Variants in SERPINA3 observed in about 807,000 individuals in gnomAD.
SERPINA3 encodes serpin family A member 3, also known as alpha-1-antichymotrypsin.
A neutral mutation model predicts 26.8 loss-of-function variants in SERPINA3; 32 were observed. That is an observed-to-expected ratio of 1.20 (90% confidence interval 0.90 to 1.61). The LOEUF is 1.61. Among genes scored for constraint, SERPINA3 ranks in the 40% most tolerant of loss-of-function variants. SERPINA3 has a pLI of 0.00. For synonymous variants in SERPINA3, 252 were observed against 206.4 expected (o/e 1.22, Z -1.89); for missense variants, 632 against 517.9 (o/e 1.22, Z -2.14).
At chr14:94,614,207 C>A in intron 1 of SERPINA3, 1 of 573,392 alleles carries the variant, frequency 1.7e-6, no homozygotes, top group Non-Finnish European at 3.1e-6. Context: ...CTGTGCCCGG[C>A]TTTTCCACTG....
At chr14:94,612,502 G>A (rs985466089) in intron 1 of SERPINA3, 55 bp downstream of exon 1, 25 of 1,131,576 alleles carry the variant, frequency 2.2e-5, no homozygotes, top group Non-Finnish European at 3.0e-5. Flanking sequence ...TTCCAGGAGA[G>A]TTTTAGGCAG....
At chr14:94,622,767 TG>T in intron 4 of SERPINA3, 1 of 489,802 alleles carries the variant, frequency 2.0e-6, no homozygotes, top group Non-Finnish European at 3.7e-6. Context: ...TTACTATCCA[TG>T]GGGGCAAACA....
At chr14:94,622,822 T>G in intron 4 of SERPINA3, 1 of 396,696 alleles carries the variant, frequency 2.5e-6, no homozygotes, top group Non-Finnish European at 4.8e-6. Context: ...CAAATGGTAG[T>G]GATAGTTCTT....
At position 94,622,373 on chromosome 14, in the gene SERPINA3, C is replaced by T; in HGVS notation, c.950C>T (p.Ser317Phe). ...EIGELYLPKF[S>F]ISRDYNLNDI... is the part of the protein sequence containing the mutation. ...GGTGAGCTCTACCTGCCAAAGTTTT[C>T]CATCTCGAGGGACTATAACCTGAAC... The change falls in exon 4 of 5, where the codon TCC (serine) becomes TTC (phenylalanine). Residue 317 changes from serine (S) to phenylalanine (F), a missense_variant. Coordinates refer to ENST00000393078, the MANE Select transcript of SERPINA3 (RefSeq NM_001085.5). The T allele has an allele frequency of 1.2e-6, 2 of 1,614,028 alleles. No homozygotes were observed. The highest frequency in any genetic ancestry group is 2.2e-5 in the South Asian group (2 of 91,068).
chr14:94,621,132 T>A (rs997313072), intron 3 of SERPINA3, among the ~76,000 whole-genome samples: 1 of 152,000 alleles, frequency 6.6e-6, no homozygotes, highest in Non-Finnish European at 1.5e-5. Context: ...GCCGGACACC[T>A]CTCGGGATTG....
At chr14:94,622,791 C>T (rs922934725) in intron 4 of SERPINA3, 3 of 443,112 alleles carry the variant, frequency 6.8e-6, no homozygotes, top group Non-Finnish European at 8.4e-6. Context: ...TAAAGTCCTC[C>T]ACCCCCAGCT....
intron 3 of SERPINA3, among the ~76,000 whole-genome samples, chr14:94,621,881 C>A (rs978655384): frequency 2.6e-5 from 4 of 152,220 alleles, no homozygotes; most frequent in Admixed American, 2.6e-4. Flanking sequence ...CTGCCTCCTG[C>A]CCACCTCTTC....
Position 94,619,338 on chromosome 14 carries a change from G to C in SERPINA3, c.787G>C (p.Val263Leu). 1 of 1,614,216 alleles carries C rather than the reference G, an allele frequency of 6.2e-7. No homozygotes were observed. ...CCGGGACGAGGAGCTGTCCTGCACC[G>C]TGGTGGAGCTGAAGTACACAGGCAA... ...YFRDEELSCT[V>L]VELKYTGNAS... The change falls in exon 3 of 5, where the codon GTG becomes CTG. Residue 263 changes from valine (V) to leucine (L), a missense_variant. Physicochemically the swap from Val to Leu is conservative, Grantham distance 32. Transcript: ENST00000393078.
At chr14:94,615,166 A>T (rs912301963) in intron 2 of SERPINA3, 82 bp downstream of exon 2, 27 of 1,496,958 alleles carry the variant, frequency 1.8e-5, no homozygotes, top group Non-Finnish European at 2.4e-5. Context: ...GTTATTAGGC[A>T]AACCACTGTA....
Position 94,614,562 on chromosome 14 carries a change from C to A in SERPINA3, c.121C>A (p.Arg41=). 1 of 1,614,154 alleles carries A rather than the reference C, an allele frequency of 6.2e-7. No individual in the cohort carries two copies. Among genetic ancestry groups the A allele is most frequent in the Non-Finnish European group, 8.5e-7 (1 of 1,180,022 alleles). The change falls in exon 2 of 5, where the codon CGA becomes AGA. Residue 41 remains arginine, a synonymous_variant. Transcript: ENST00000393078. ...GAATCTGACCCAGGAGAACCAAGAC[C>A]GAGGGACACACGTGGACCTCGGATT... ...EENLTQENQD[R]GTHVDLGLAS... is the part of the protein sequence containing the mutation.
chr14:94,623,493 A>G (rs993906830), intron 4 of SERPINA3, 118 bp from the exon 5 acceptor site: 2 of 937,824 alleles, frequency 2.1e-6, no homozygotes, highest in East Asian at 2.5e-5. Context: ...TCAACAGCAC[A>G]AAGACAGGCC....
In SERPINA3 at chr14:94,612,538, G is replaced by C. The variant is rs923199964; in HGVS notation, c.-9+91G>C. 7.8e-5 allele frequency: 59 copies of C among 757,532 alleles called. No homozygotes were observed. In the Middle Eastern group the frequency reaches 1.5e-3, roughly 19 times the overall value. 46.9% of individuals were successfully genotyped at this position (757,532 alleles called of 1,614,324 possible). ...CAGCCTGGAGTGTGTGGAGTGTGAG[G>C]GGTAAGCAGAGGCCAGGAGGAGGTG... On this transcript the variant is annotated intron_variant, in intron 1 of 4. Transcript: ENST00000393078.
In SERPINA3 at chr14:94,614,658, G is replaced by T. The variant is rs762660408; in HGVS notation, c.217G>T (p.Val73Phe). 20 of 1,613,932 alleles carry T rather than the reference G, an allele frequency of 1.2e-5. No individual in the cohort carries two copies. The Admixed American group carries it at 3.3e-4, about 27-fold the overall frequency. The change falls in exon 2 of 5, where the codon GTC becomes TTC. Residue 73 changes from valine (V) to phenylalanine (F), a missense_variant. Val to Phe is a conservative substitution (Grantham distance 50). Transcript: ENST00000393078. ...AGTCCTGAAGGCCCCTGATAAGAAT[G>T]TCATCTTCTCCCCACTGAGCATCTC... ...QLVLKAPDKNVIFSPLSISTA... is the reference protein window; with the variant it reads ...QLVLKAPDKNFIFSPLSISTA...
intron 1 of SERPINA3, chr14:94,614,174 C>A (rs1885888097): frequency 2.0e-6 from 1 of 509,694 alleles, no homozygotes; most frequent in Non-Finnish European, 3.6e-6. Context: ...GCTGTATGAT[C>A]TTGGGCAAGC....
At chr14:94,622,171 T>A (rs1389082266) in intron 3 of SERPINA3, among the ~76,000 whole-genome samples, 170 bp from the exon 4 acceptor site, 1 of 152,110 alleles carries the variant, frequency 6.6e-6, no homozygotes, top group East Asian at 1.9e-4. Context: ...GAATAATTAA[T>A]GAATAAGAAG....
intron 1 of SERPINA3, chr14:94,614,201 G>T (rs879940723): frequency 1.1e-5 from 6 of 563,386 alleles, no homozygotes; most frequent in African/African-American, 1.9e-5. Context: ...ACCGCTCTGT[G>T]CCCGGCTTTT....
intron 2 of SERPINA3, chr14:94,618,269 C>T (rs1184757538): frequency 2.0e-5 from 3 of 152,132 alleles, no homozygotes; most frequent in African/African-American, 4.8e-5. Flanking sequence ...TTCTCTTTCT[C>T]TTTACTATGG....
chr14:94,616,292 A>AC (rs1885995140), intron 2 of SERPINA3, among the ~76,000 whole-genome samples: 1 of 151,340 alleles, frequency 6.6e-6, no homozygotes, highest in Admixed American at 6.6e-5. Context: ...GGAAGCTCCC[A>AC]CCCCCCTCAT....
intron 1 of SERPINA3, chr14:94,614,098 C>A (rs1001134361): frequency 6.0e-6 from 2 of 333,038 alleles, no homozygotes; most frequent in Non-Finnish European, 1.1e-5. Flanking sequence ...ACCTCGGACC[C>A]CCCATCAGCT....
Sources: gnomAD v4.1 joint callset for allele counts (sites outside exome capture counted in the v4.1 genomes callset) on GRCh38, gnomAD v4.1.1 for gene constraint, MANE v1.5 for transcripts, NCBI Gene and HGNC (gene_info 2026-07-23, HGNC 2026-07-21) for gene names.